The following INPPL1 variants were observed in gnomAD, a reference collection of about 807,000 sequenced individuals.
INPPL1 encodes inositol polyphosphate phosphatase like 1.
In INPPL1, 91 loss-of-function variants were observed where a neutral mutation model predicts 139.3. The observed-to-expected ratio is 0.65, with a 90% CI of 0.55 to 0.78. The LOEUF (loss-of-function observed/expected upper bound fraction) is 0.78. Among genes scored for constraint, INPPL1 ranks in the 30% least tolerant of loss-of-function variants. INPPL1 has a pLI of 0.00. For synonymous variants in INPPL1, 719 were observed against 686.6 expected (o/e 1.05, Z -0.74); for missense variants, 1,411 against 1,665.6 (o/e 0.85, Z 2.66).
chr11:72,230,499 G>A (rs752804876), intron 10 of INPPL1, 31 bp downstream of exon 10: 2 of 1,597,332 alleles, frequency 1.3e-6, no homozygotes, highest in South Asian at 2.2e-5. Context: ...GGCCACTGGG[G>A]ACTGCGGGGG....
In INPPL1 at chr11:72,235,587, T is replaced by C; in HGVS notation, c.2660-88T>C. 1 of 1,576,352 alleles carries C rather than the reference T, an allele frequency of 6.3e-7. No individual in the cohort carries two copies. The highest frequency in any genetic ancestry group is 8.7e-7 in the Non-Finnish European group (1 of 1,152,574). On this transcript the variant is annotated intron_variant, in intron 23 of 27. Transcript: ENST00000298229. This position sits in a 1 kb window ranked among gnomAD's most constrained non-coding sequence, Gnocchi z 4.9. ...CTGGGAATAGTCCTGCCCCAAGGCA[T>C]AGCTGGGAAAGGGCTGGCAGGCCCA...
chr11:72,238,021 T>G (rs1481693585), intron 26 of INPPL1, 21 bp from the exon 27 acceptor site: 1 of 1,521,622 alleles, frequency 6.6e-7, no homozygotes, highest in Non-Finnish European at 8.8e-7. Flanking sequence ...CAGCTCCCCC[T>G]GACATGCCCT....
Position 72,235,837 on chromosome 11 carries a change from C to A in INPPL1, c.2739-9C>A. 1 of 1,612,384 alleles carries A rather than the reference C, an allele frequency of 6.2e-7. No individual in the cohort carries two copies. Among genetic ancestry groups the A allele is most frequent in the African/African-American group, 1.3e-5 (1 of 75,034 alleles). ...CCCACTTCATCTCTCTCCTGTGCAT[C>A]CCTGGCAGGTCAGGGAGCCGCAAGC... is the stretch of plus-strand genomic sequence containing the variant. On this transcript the variant is annotated splice_polypyrimidine_tract_variant and intron_variant, in intron 24 of 27. Coordinates refer to ENST00000298229, the MANE Select transcript of INPPL1 (RefSeq NM_001567.4). The surrounding 1 kb of genome is among the most constrained non-coding windows in gnomAD (Gnocchi z 4.9).
chr11:72,237,754 A>G lies in INPPL1; in HGVS notation c.3510A>G (p.Pro1170=). 6.2e-7 allele frequency: 1 copy of G among 1,610,104 alleles called. No individual in the cohort carries two copies. Among genetic ancestry groups the G allele is most frequent in the Non-Finnish European group, 8.5e-7 (1 of 1,178,890 alleles). ...ATGGCCGGCCCCTCAGCTTCCCTCC[A>G]CCCCGCATCCGGGAGAGCATCCAGG... ...SDYGRPLSFP[P]PRIRESIQED... Residue 1170 remains proline (P), a synonymous_variant, in exon 26 of 28, where the codon CCA becomes CCG. Coordinates refer to ENST00000298229, the MANE Select transcript of INPPL1 (RefSeq NM_001567.4).
rs375841975 is a variant in INPPL1 at position 72,235,929 on chromosome 11, C to T, written c.2822C>T (p.Thr941Met). ...LFEEPEKPPP[T>M]GRPPAPPRAA... is the part of the protein sequence containing the mutation. ...GAAGAACCAGAGAAACCGCCACCAA[C>T]GGGGAGGCCCCCAGCCCCACCCCGA... Residue 941 changes from threonine (T) to methionine (M), a missense_variant, in exon 25 of 28, where the codon ACG becomes ATG. Around this residue, in one of 5 missense-constraint regions of INPPL1, gnomAD observed 99 missense variants for 171.6 expected, o/e 0.58. Coordinates refer to ENST00000298229, the MANE Select transcript of INPPL1 (RefSeq NM_001567.4). The surrounding 1 kb of genome is among the most constrained non-coding windows in gnomAD (Gnocchi z 4.9). 3.6e-5 allele frequency: 58 copies of T among 1,612,596 alleles called. No individual in the cohort carries two copies. Among genetic ancestry groups the T allele is most frequent in the East Asian group, 1.6e-4 (7 of 44,894 alleles).
chr11:72,237,972 C>T, intron 26 of INPPL1, 70 bp from the exon 27 acceptor site: 3 of 1,487,396 alleles, frequency 2.0e-6, no homozygotes, highest in East Asian at 2.3e-5. Flanking sequence ...CCAGAGCATG[C>T]AGCAGAATGT....
rs756574741 is a variant in INPPL1, at chr11:72,229,651, T to C, written c.754-12T>C. ...GTGACTCATGTACAAGCCTGGTTCTTCCTCCCCCCAGAACCTGCCACAGAC... is the reference window on the plus strand; with the variant it reads ...GTGACTCATGTACAAGCCTGGTTCTCCCTCCCCCCAGAACCTGCCACAGAC... On this transcript the variant is annotated splice_polypyrimidine_tract_variant and intron_variant, in intron 6 of 27. Transcript: ENST00000298229. The C allele has an allele frequency of 2.5e-6, 4 of 1,613,662 alleles. No homozygotes were observed. The highest frequency in any genetic ancestry group is 2.5e-6 in the Non-Finnish European group (3 of 1,179,742).
Position 72,234,469 on chromosome 11 carries a change from AG to A in INPPL1, c.2327-53del. On this transcript the variant is annotated intron_variant, in intron 20 of 27. Transcript: ENST00000298229. The surrounding 1 kb of genome is among the most constrained non-coding windows in gnomAD (Gnocchi z 4.2). ...AGAGGGTGCAGTCAGCCCCCTACTT[AG>A]GGGGAAAGGAAGCTGAGAGGTGGTG... is the stretch of plus-strand genomic sequence containing the variant. 11 of 1,589,670 alleles carry A rather than the reference AG, an allele frequency of 6.9e-6. No individual in the cohort carries two copies. The highest frequency in any genetic ancestry group is 9.5e-6 in the Non-Finnish European group (11 of 1,157,882).
intron 18 of INPPL1, 43 bp downstream of exon 18, chr11:72,233,565 C>G: frequency 6.2e-7 from 1 of 1,605,986 alleles, no homozygotes; most frequent in Non-Finnish European, 8.5e-7. Context: ...CTGGGGTGGT[C>G]ACCATCTGGA....
At position 72,228,183 on chromosome 11, in the gene INPPL1, G is replaced by A. The variant is rs1948726969; in HGVS notation, c.183-7G>A. 6.2e-7 allele frequency: 1 copy of A among 1,614,086 alleles called. No homozygotes were observed. The highest frequency in any genetic ancestry group is 1.3e-5 in the African/African-American group (1 of 75,034). The stretch of plus-strand genomic sequence containing the variant: ...GGTGACAGATTCTGGCCCTGCCTTG[G>A]CATCAGGTATCAGAAGCATGTGCAC... On this transcript the variant is annotated splice_region_variant and splice_polypyrimidine_tract_variant and intron_variant, in intron 1 of 27. Transcript: ENST00000298229. The surrounding 1 kb of genome is among the most constrained non-coding windows in gnomAD (Gnocchi z 5.0).
At position 72,228,447 on chromosome 11, in the gene INPPL1, C is replaced by G. The variant is rs768403979; in HGVS notation, c.346C>G (p.Pro116Ala). Residue 116 changes from proline to alanine, a missense_variant, in exon 3 of 28, where the codon CCT becomes GCT. Coordinates refer to ENST00000298229, the MANE Select transcript of INPPL1 (RefSeq NM_001567.4). The surrounding 1 kb of genome is among the most constrained non-coding windows in gnomAD (Gnocchi z 5.0). ...GGGCCTTGTGTGCGCCCTGCTTCTT[C>G]CTGTAGAGGGTGAGCGAGAGCCGGA... ...NQGLVCALLL[P>A]VEGEREPDPP... is the part of the protein sequence containing the mutation. The G allele has an allele frequency of 1.9e-6, 3 of 1,612,052 alleles. No homozygotes were observed. Among genetic ancestry groups the G allele is most frequent in the Non-Finnish European group, 2.5e-6 (3 of 1,180,012 alleles).
chr11:72,237,305 G>A lies in INPPL1; in HGVS notation c.3061G>A (p.Val1021Met). The A allele has an allele frequency of 6.2e-7, 1 of 1,614,028 alleles. No individual in the cohort carries two copies. The highest frequency in any genetic ancestry group is 8.5e-7 in the Non-Finnish European group (1 of 1,180,016). The part of the protein sequence containing the change: ...SATKNKVAIT[V>M]PAPQLGHHRH... The stretch of plus-strand genomic sequence containing the variant: ...CACCAAGAACAAAGTGGCCATTACA[G>A]TGCCTGCTCCACAGCTTGGGCACCA... Residue 1021 changes from valine (V) to methionine (M), a missense_variant, in exon 26 of 28, where the codon GTG (valine) becomes ATG (methionine). Transcript: ENST00000298229.
intron 1 of INPPL1, 153 bp downstream of exon 1, chr11:72,225,319 C>T: frequency 2.0e-6 from 2 of 985,380 alleles, no homozygotes; most frequent in Non-Finnish European, 2.4e-6. Context: ...TCTCCTGGGT[C>T]TGAGGAGGGA....
In INPPL1 at chr11:72,231,021, A is replaced by G. The variant is rs1354132163; in HGVS notation, c.1329A>G (p.Thr443=). ...MGSVPPPKNV[T]SWFTSKGLGK... ...GTGTACCACCTCCAAAAAACGTGAC[A>G]TCCTGGTTCACATCGAAGGGTCTGG... The change falls in exon 12 of 28, where the codon ACA becomes ACG. Residue 443 remains threonine, a synonymous_variant. Transcript: ENST00000298229. 1 of 1,613,848 alleles carries G rather than the reference A, an allele frequency of 6.2e-7. No individual in the cohort carries two copies. Among genetic ancestry groups the G allele is most frequent in the Non-Finnish European group, 8.5e-7 (1 of 1,179,878 alleles).
chr11:72,237,518 A>G lies in INPPL1; in HGVS notation c.3274A>G (p.Lys1092Glu), dbSNP rs974025162. 1.2e-6 allele frequency: 2 copies of G among 1,608,338 alleles called. No homozygotes were observed. The highest frequency in any genetic ancestry group is 1.7e-6 in the Non-Finnish European group (2 of 1,176,526). ...GAEARGPPPPKAHPRPPLPPG... is the reference protein window; with the variant it reads ...GAEARGPPPPEAHPRPPLPPG... ...TGAGGCCCGTGGCCCACCACCTCCC[A>G]AGGCCCATCCAAGGCCTCCACTGCC... Residue 1092 changes from lysine to glutamate, a missense_variant, in exon 26 of 28, where the codon AAG becomes GAG. Transcript: ENST00000298229.
intron 10 of INPPL1, 60 bp from the exon 11 acceptor site, chr11:72,230,736 C>A: frequency 1.4e-6 from 2 of 1,415,622 alleles, no homozygotes; most frequent in Non-Finnish European, 9.9e-7. Context: ...GCAGGGTATC[C>A]CTGTGGACGG....
At position 72,237,336 on chromosome 11, in the gene INPPL1, AC is replaced by A; in HGVS notation, c.3095del (p.Pro1032LeufsTer99). 7 of 1,613,762 alleles carry A rather than the reference AC, an allele frequency of 4.3e-6. No individual in the cohort carries two copies. Among genetic ancestry groups the A allele is most frequent in the Non-Finnish European group, 5.9e-6 (7 of 1,179,986 alleles). On this transcript the variant is annotated frameshift_variant, in exon 26 of 28. Transcript: ENST00000298229. LOFTEE classifies it high-confidence loss of function. ...VPAPQLGHHR[H>X]PRVGEGSSSD... ...GCTCCACAGCTTGGGCACCACCGGCACCCTCGTGTGGGAGAGGGGAGTTCTT... is the reference window on the plus strand; with the variant it reads ...GCTCCACAGCTTGGGCACCACCGGCACCTCGTGTGGGAGAGGGGAGTTCTT...
chr11:72,229,431 GGTGGGA>G, intron 5 of INPPL1, 28 bp from the exon 6 acceptor site: 1 of 1,595,638 alleles, frequency 6.3e-7, no homozygotes, highest in Non-Finnish European at 8.6e-7. Flanking sequence ...CTTAGGTCGG[GGTGGGA>G]GTTCTTTTGA....
rs1220668820 is a variant in INPPL1 at position 72,234,471 on chromosome 11, G to C, written c.2327-56G>C. ...AGGGTGCAGTCAGCCCCCTACTTAG[G>C]GGGAAAGGAAGCTGAGAGGTGGTGC... On this transcript the variant is annotated intron_variant, in intron 20 of 27. Transcript: ENST00000298229. This position sits in a 1 kb window ranked among gnomAD's most constrained non-coding sequence, Gnocchi z 4.2. 1.3e-6 allele frequency: 2 copies of C among 1,593,364 alleles called. No homozygotes were observed. The highest frequency in any genetic ancestry group is 1.7e-6 in the Non-Finnish European group (2 of 1,161,222).
Sources: allele counts gnomAD v4.1 joint callset, GRCh38; gene constraint gnomAD v4.1.1; regional missense constraint gnomAD v4.1.1; non-coding constraint Gnocchi (gnomAD v3.1); transcripts MANE v1.5; gene names NCBI Gene and HGNC (gene_info 2026-07-23, HGNC 2026-07-21).